NMNAT1: variants seen among roughly 807,000 people sequenced by gnomAD.
NMNAT1 encodes the protein nicotinamide/nicotinic acid mononucleotide adenylyltransferase 1.
Under a neutral mutation model 16.7 loss-of-function variants are expected in NMNAT1, and 11 were observed. The ratio of observed to expected loss-of-function variants is 0.66; its 90% confidence interval spans 0.41 to 1.09. NMNAT1 has a LOEUF of 1.09. Ranked by LOEUF, NMNAT1 falls within the 50% of genes least tolerant of loss-of-function variation. The pLI is 0.00. For synonymous variants in NMNAT1, 110 were observed against 119.8 expected (o/e 0.92, Z 0.53); for missense variants, 280 against 332.3 (o/e 0.84, Z 1.22).
At chr1:9,989,892 C>T (rs1642089080), downstream of NMNAT1, among the ~76,000 whole-genome samples, 1 of 152,174 alleles carries the variant, frequency 6.6e-6, no homozygotes, top group South Asian at 2.1e-4. Context: ...GCACCCTCAC[C>T]AGATGCTGCT....
At chr1:9,988,517 A>G (rs1227806804), downstream of NMNAT1, among the ~76,000 whole-genome samples, 1 of 151,894 alleles carries the variant, frequency 6.6e-6, no homozygotes, top group Non-Finnish European at 1.5e-5. Context: ...CCTGGCCAAC[A>G]TGGTGAAACC....
chr1:9,979,162 G>A (rs1641878473), intron 3 of NMNAT1, among the ~76,000 whole-genome samples: 1 of 152,062 alleles, frequency 6.6e-6, no homozygotes, highest in Non-Finnish European at 1.5e-5. Context: ...TAATATAGTC[G>A]CTTTGTAATA....
intron 1 of NMNAT1, among the ~76,000 whole-genome samples, chr1:9,944,083 T>A (rs1640900415): frequency 6.6e-6 from 1 of 151,662 alleles, no homozygotes; most frequent in South Asian, 2.1e-4. Context: ...TGAAACCCCG[T>A]CTCTACTAAA....
chr1:9,946,082 A>G (rs1430573185), intron 1 of NMNAT1, among the ~76,000 whole-genome samples: 2 of 152,102 alleles, frequency 1.3e-5, no homozygotes, highest in East Asian at 1.9e-4. Flanking sequence ...TGATAATCCA[A>G]TGTTCTGTTC....
intron 1 of NMNAT1, among the ~76,000 whole-genome samples, chr1:9,970,377 A>G (rs1641659633): frequency 6.6e-6 from 1 of 151,300 alleles, no homozygotes; most frequent in South Asian, 2.1e-4. Flanking sequence ...GATGTTCTAG[A>G]TCTATATATA....
At position 9,972,135 on chromosome 1, in the gene NMNAT1, C is replaced by T; in HGVS notation, c.62C>T (p.Thr21Ile). Reference sequence around the variant, plus strand: ...GCTTGTGGTTCATTCAATCCCATCACCAACATGCACCTCAGGTTGTTTGAG... The same window carrying T: ...GCTTGTGGTTCATTCAATCCCATCATCAACATGCACCTCAGGTTGTTTGAG... ...LLACGSFNPI[T>I]NMHLRLFELA... The change falls in exon 2 of 5, where the codon ACC (threonine) becomes ATC (isoleucine). Residue 21 changes from threonine to isoleucine, a missense_variant. Physicochemically the swap from Thr to Ile is moderately conservative, Grantham distance 89. Transcript: ENST00000377205. The T allele has an allele frequency of 6.2e-7, 1 of 1,613,020 alleles. No homozygotes were observed.
intron 1 of NMNAT1, among the ~76,000 whole-genome samples, chr1:9,959,213 A>C (rs1641342606): frequency 6.6e-6 from 1 of 152,030 alleles, no homozygotes; most frequent in South Asian, 2.1e-4. Flanking sequence ...CTCTACTAAA[A>C]ATACAAAAAT....
intron 3 of NMNAT1, among the ~76,000 whole-genome samples, chr1:9,976,121 T>C (rs1641807707): frequency 6.6e-6 from 1 of 152,012 alleles, no homozygotes; most frequent in East Asian, 1.9e-4. Flanking sequence ...AACCCGTCTC[T>C]ACTAAAAATA....
intron 1 of NMNAT1, among the ~76,000 whole-genome samples, chr1:9,944,241 G>A (rs867872186): frequency 5.3e-5 from 8 of 151,956 alleles, no homozygotes. Flanking sequence ...GCGACAGTTC[G>A]AGACTCCATC....
intron 1 of NMNAT1, among the ~76,000 whole-genome samples, chr1:9,954,880 G>A (rs1240093062): frequency 3.4e-5 from 5 of 148,296 alleles, no homozygotes; most frequent in Admixed American, 6.7e-5. Context: ...GCAGTGAGCC[G>A]AGATCACACC....
chr1:9,966,894 G>A (rs1641557494), intron 1 of NMNAT1, among the ~76,000 whole-genome samples: 1 of 152,050 alleles, frequency 6.6e-6, no homozygotes, highest in Non-Finnish European at 1.5e-5. Flanking sequence ...AGCAAACAAT[G>A]AAGAAGTGCC....
intron 1 of NMNAT1, among the ~76,000 whole-genome samples, chr1:9,962,817 G>A (rs1337142228): frequency 6.6e-6 from 1 of 151,632 alleles, no homozygotes; most frequent in East Asian, 2.0e-4. Flanking sequence ...GAGTAGCTGG[G>A]ACTACAGGTG....
intron 2 of NMNAT1, among the ~76,000 whole-genome samples, chr1:9,973,307 G>T (rs543023074): frequency 6.6e-6 from 1 of 151,930 alleles, no homozygotes; most frequent in Non-Finnish European, 1.5e-5. Context: ...TAGTAGCGAC[G>T]GGGTTTCTCC....
chr1:9,953,667 G>A lies in NMNAT1; in HGVS notation c.-57+10152G>A, dbSNP rs145685025. 2.1e-3 allele frequency among the ~76,000 whole-genome samples: 313 copies of A among 150,440 alleles called. 8 individuals carry two copies. The East Asian group carries it at 0.049, about 24-fold the overall frequency. Reference sequence around the variant, plus strand: ...TGTTGGCCAGGCTGGTCTCAAACTCGTGACCTCAGGTGATCCATCTGTCTT... The same window carrying A: ...TGTTGGCCAGGCTGGTCTCAAACTCATGACCTCAGGTGATCCATCTGTCTT... On this transcript the variant is annotated intron_variant, in intron 1 of 4. Transcript: ENST00000377205.
At chr1:9,969,803 AGAAAATCATCAAT>A (rs1239610573) in intron 1 of NMNAT1, among the ~76,000 whole-genome samples, 1 of 152,172 alleles carries the variant, frequency 6.6e-6, no homozygotes, top group Non-Finnish European at 1.5e-5. Flanking sequence ...AATGGGAGGC[AGAAAATCATCAAT>A]GAAAGAACTC....
chr1:9,994,725 C>T, the NMNAT1 span, among the ~76,000 whole-genome samples: 26 of 152,084 alleles, frequency 1.7e-4, 1 homozygote, highest in African/African-American at 5.8e-4. Context: ...CATTCTCCTG[C>T]CTCAGCCTCC....
chr1:9,981,981 A>G (rs1641959034), intron 4 of NMNAT1, among the ~76,000 whole-genome samples: 1 of 151,914 alleles, frequency 6.6e-6, no homozygotes, highest in Admixed American at 6.6e-5. Context: ...CTCCTGCCTC[A>G]GCCTCTCAAG....
intron 1 of NMNAT1, among the ~76,000 whole-genome samples, chr1:9,957,105 C>T (rs1163472362): frequency 1.3e-5 from 2 of 152,182 alleles, no homozygotes; most frequent in African/African-American, 4.8e-5. Flanking sequence ...TATCAACTCA[C>T]TGCAACCTCT....
intron 3 of NMNAT1, among the ~76,000 whole-genome samples, chr1:9,976,148 A>G (rs1641808545): frequency 6.6e-6 from 1 of 151,946 alleles, no homozygotes; most frequent in African/African-American, 2.4e-5. Context: ...TTAGCCGGGC[A>G]TGGTGGCGCA....
Sources: allele counts gnomAD v4.1 joint callset (sites outside exome capture counted in the v4.1 genomes callset), GRCh38; gene constraint gnomAD v4.1.1; transcripts MANE v1.5; gene names NCBI Gene and HGNC (gene_info 2026-07-23, HGNC 2026-07-21).